The following CD300LF variants were observed in gnomAD, a reference collection of about 807,000 sequenced individuals.
The protein encoded by CD300LF is CMRF35-like molecule 1.
A neutral mutation model predicts 32.2 loss-of-function variants in CD300LF; 27 were observed. The ratio of observed to expected loss-of-function variants is 0.84; its 90% CI spans 0.62 to 1.15. The LOEUF (loss-of-function observed/expected upper bound fraction) is 1.15, where lower values mean the gene tolerates loss of function less well. CD300LF is among the 50% of genes most tolerant of loss of function. The probability of loss-of-function intolerance (pLI) is 0.00; values close to 1 mark genes in which losing one functional copy is unlikely to be tolerated. For missense variants in CD300LF, 348 were observed against 356.8 expected (o/e 0.98, Z 0.20); for synonymous variants, 139 against 143.2 (o/e 0.97, Z 0.21).
chr17:74,706,548 A>G (rs974784660), intron 1 of CD300LF, among the ~76,000 whole-genome samples: 1 of 152,110 alleles, frequency 6.6e-6, no homozygotes, highest in Non-Finnish European at 1.5e-5. Context: ...CATGCCTGTA[A>G]TCCCAGCTAC....
chr17:74,706,543 CTGTAA>C (rs2033534284), intron 1 of CD300LF, among the ~76,000 whole-genome samples: 1 of 152,078 alleles, frequency 6.6e-6, no homozygotes, highest in East Asian at 1.9e-4. Flanking sequence ...TGGCACATGC[CTGTAA>C]TCCCAGCTAC....
At chr17:74,698,016 T>C (rs946074513) in intron 4 of CD300LF, among the ~76,000 whole-genome samples, 1 of 152,116 alleles carries the variant, frequency 6.6e-6, no homozygotes, top group Non-Finnish European at 1.5e-5. Flanking sequence ...GACAACCACA[T>C]AGACCCAACT....
intron 6 of CD300LF, among the ~76,000 whole-genome samples, 159 bp from the exon 7 acceptor site, chr17:74,695,410 G>A (rs2032347314): frequency 6.6e-6 from 1 of 152,144 alleles, no homozygotes; most frequent in African/African-American, 2.4e-5. Context: ...AGCACCCTGA[G>A]CTTCAACCAC....
Position 74,694,409 on chromosome 17 carries a change from G to A in CD300LF, c.*687C>T, listed in dbSNP as rs1431030040. Reference sequence around the variant, plus strand: ...TGGGCTCAAGTCAAGGCGTGGGCAGGGCTGGTTTCTTTTGGAGGCTCCAGG... The same window carrying A: ...TGGGCTCAAGTCAAGGCGTGGGCAGAGCTGGTTTCTTTTGGAGGCTCCAGG... On this transcript the variant is annotated 3_prime_UTR_variant, in exon 7 of 7. Coordinates refer to ENST00000326165, the MANE Select transcript of CD300LF (RefSeq NM_139018.5). The A allele has an allele frequency of 6.6e-6, 1 of 152,166 alleles. No homozygotes were observed. Among genetic ancestry groups the A allele is most frequent in the Non-Finnish European group, 1.5e-5 (1 of 68,040 alleles). 9.4% of individuals were successfully genotyped at this position (152,166 alleles called of 1,614,324 possible).
intron 4 of CD300LF, 79 bp downstream of exon 4, chr17:74,698,290 T>C: frequency 1.0e-6 from 1 of 996,110 alleles, no homozygotes; most frequent in South Asian, 1.4e-5. Flanking sequence ...GGGTAATCCC[T>C]TGGACCAGAT....
chr17:74,698,512 C>A (rs1342132100), intron 3 of CD300LF, 31 bp from the exon 4 acceptor site: 1 of 1,588,234 alleles, frequency 6.3e-7, no homozygotes, highest in East Asian at 2.3e-5. Context: ...CCCCTGCATC[C>A]CAGGCTCACC....
chr17:74,701,139 T>C (rs9912943), intron 3 of CD300LF, among the ~76,000 whole-genome samples: 3,266 of 152,364 alleles, frequency 0.021, 60 homozygotes, highest in Middle Eastern at 0.041. Flanking sequence ...TTCTGAGGTA[T>C]TTTGTTAGGG....
intron 1 of CD300LF, 131 bp from the exon 2 acceptor site, chr17:74,704,947 G>A (rs533580183): frequency 7.5e-5 from 55 of 735,518 alleles, no homozygotes; most frequent in East Asian, 2.2e-4. Context: ...TACACCTTCC[G>A]CAGACAAAAC....
chr17:74,704,164 G>A (rs960917892), intron 2 of CD300LF, among the ~76,000 whole-genome samples: 2 of 152,192 alleles, frequency 1.3e-5, no homozygotes, highest in Non-Finnish European at 2.9e-5. Flanking sequence ...GGGTCTCTGG[G>A]TACCATGGGA....
rs901830231 is a variant in CD300LF at position 74,705,346 on chromosome 17, T to C, written c.44-530A>G. 6 of 670,228 alleles carry C rather than the reference T, an allele frequency of 9.0e-6. No homozygotes were observed. In the Admixed American group the frequency reaches 1.2e-4, roughly 14 times the overall value. The allele number at this position is 670,228 out of a possible 1,614,324, so 41.5% of individuals were successfully genotyped here. The stretch of plus-strand genomic sequence containing the variant: ...CCTGGATGAATGCCTTTGAAGTTGA[T>C]CAAAACAGCAACGGCAACTGGTCTC... On this transcript the variant is annotated intron_variant, in intron 1 of 6. Transcript: ENST00000326165.
At chr17:74,708,890 T>C (rs1598278811) in intron 1 of CD300LF, among the ~76,000 whole-genome samples, 1 of 145,362 alleles carries the variant, frequency 6.9e-6, no homozygotes, top group Non-Finnish European at 1.5e-5. Flanking sequence ...CACTCCAGCC[T>C]GGGCGACAGA....
chr17:74,708,610 T>A (rs542141665), intron 1 of CD300LF, among the ~76,000 whole-genome samples: 61 of 152,250 alleles, frequency 4.0e-4, no homozygotes, highest in Non-Finnish European at 7.6e-4. Flanking sequence ...CAAAATGGTT[T>A]TTAACATTAA....
chr17:74,695,938 G>A lies in CD300LF; in HGVS notation c.583-79C>T, dbSNP rs2032424071. Reference sequence around the variant, plus strand: ...TTCCTTTTCCACGGTGGGACGGGACGAGAGCCTCTCCACTTCCCCAGGTGC... The same window carrying A: ...TTCCTTTTCCACGGTGGGACGGGACAAGAGCCTCTCCACTTCCCCAGGTGC... On this transcript the variant is annotated intron_variant, in intron 5 of 6. Coordinates refer to ENST00000326165, the MANE Select transcript of CD300LF (RefSeq NM_139018.5). The A allele has an allele frequency of 6.0e-6, 9 of 1,508,454 alleles. No individual in the cohort carries two copies. In the Middle Eastern group the frequency reaches 5.5e-4, roughly 93 times the overall value. The allele number at this position is 1,508,454 out of a possible 1,614,324, so 93.4% of individuals were successfully genotyped here.
rs1424119059 is a variant in CD300LF at position 74,695,641 on chromosome 17, A to C, written c.717+84T>G. Reference sequence around the variant, plus strand: ...CCTCCTCTATGCCCACATGAGCAGGAGAAAGCCCACCCTCCAACGGGGTGC... The same window carrying C: ...CCTCCTCTATGCCCACATGAGCAGGCGAAAGCCCACCCTCCAACGGGGTGC... On this transcript the variant is annotated intron_variant, in intron 6 of 6. Coordinates refer to ENST00000326165, the MANE Select transcript of CD300LF (RefSeq NM_139018.5). 1.9e-6 allele frequency: 3 copies of C among 1,593,046 alleles called. No individual in the cohort carries two copies. In the African/African-American group the frequency reaches 4.0e-5, roughly 21 times the overall value.
chr17:74,702,631 C>T (rs890377571), intron 3 of CD300LF, among the ~76,000 whole-genome samples: 1 of 152,154 alleles, frequency 6.6e-6, no homozygotes, highest in African/African-American at 2.4e-5. Flanking sequence ...AGAGTCATCC[C>T]TGCGGCTCCA....
chr17:74,696,385 T>C (rs543230689), intron 4 of CD300LF, among the ~76,000 whole-genome samples, 168 bp from the exon 5 acceptor site: 9 of 152,318 alleles, frequency 5.9e-5, no homozygotes, highest in African/African-American at 1.9e-4. Context: ...GTCTGTGACA[T>C]TCGTCATGTC....
intron 3 of CD300LF, among the ~76,000 whole-genome samples, chr17:74,699,072 C>A (rs2084312): frequency 6.6e-6 from 1 of 151,954 alleles, no homozygotes; most frequent in African/African-American, 2.4e-5. Context: ...GCACCCACCA[C>A]CACACCTAGC....
rs528248402 is a variant in CD300LF at position 74,712,771 on chromosome 17, A to G, written c.43+53T>C. 1.1e-5 allele frequency: 17 copies of G among 1,604,042 alleles called. No homozygotes were observed. The African/African-American group carries it at 2.0e-4, about 19-fold the overall frequency. On this transcript the variant is annotated intron_variant, in intron 1 of 6. Transcript: ENST00000326165. ...GGGTCCCTTCTTCCCTCTCTCAGCC[A>G]CCTCCTCCTGCTTGCTAAGCTTCCC...
intron 3 of CD300LF, among the ~76,000 whole-genome samples, chr17:74,700,141 C>CAATAAATAAATA (rs77860062): frequency 6.8e-6 from 1 of 147,722 alleles, no homozygotes; most frequent in East Asian, 2.0e-4. Flanking sequence ...GACCCTGTCT[C>CAATAAATAAATA]AATAAATAAA....
Sources: allele counts gnomAD v4.1 joint callset (sites outside exome capture counted in the v4.1 genomes callset), GRCh38; gene constraint gnomAD v4.1.1; transcripts MANE v1.5; gene names NCBI Gene and HGNC (gene_info 2026-07-23, HGNC 2026-07-21).